RTN1: variants seen among roughly 807,000 people sequenced by gnomAD.
RTN1 encodes reticulon 1.
A neutral mutation model predicts 65.5 loss-of-function variants in RTN1; 25 were observed. That is an observed-to-expected ratio of 0.38 (90% CI 0.28 to 0.53). RTN1 has a LOEUF of 0.53. RTN1 is among the 20% of genes least tolerant of loss of function. RTN1 has a pLI of 0.79. For missense variants in RTN1, 983 were observed against 1,025.4 expected, an observed-to-expected ratio of 0.96 and a Z score of 0.57; for synonymous variants, 471 against 447.6, an observed-to-expected ratio of 1.05 and a Z score of -0.66.
Position 59,656,536 on chromosome 14 carries a change from T to C in RTN1, c.1766-49044A>G, listed in dbSNP as rs887405137. On this transcript the variant is annotated intron_variant, in intron 3 of 8. Transcript: ENST00000267484. ...AGGGGCACATATACATACAGGTTAA[T>C]GGAACAGAATCGACAATCTAGAATT... Among the ~76,000 whole-genome samples, 7 of 152,208 alleles carry C rather than the reference T, an allele frequency of 4.6e-5. No homozygotes were observed. In the East Asian group the frequency reaches 1.3e-3, roughly 29 times the overall value.
At chr14:59,838,907 T>C (rs1212649534) in intron 1 of RTN1, among the ~76,000 whole-genome samples, 1 of 152,174 alleles carries the variant, frequency 6.6e-6, no homozygotes, top group Non-Finnish European at 1.5e-5. Flanking sequence ...ATTTGTCTCT[T>C]CTTGTTTTAA....
At chr14:59,613,089 G>A (rs117490384) in intron 3 of RTN1, among the ~76,000 whole-genome samples, 2,109 of 152,084 alleles carry the variant, frequency 0.014, 19 homozygotes, top group African/African-American at 0.019. Context: ...ACTACCTTGC[G>A]GAAATTCTAA....
chr14:59,696,567 T>C (rs1341667681), intron 3 of RTN1, among the ~76,000 whole-genome samples: 1 of 152,090 alleles, frequency 6.6e-6, no homozygotes, highest in Non-Finnish European at 1.5e-5. Flanking sequence ...TACAGCTGCA[T>C]GAATGGATCC....
At chr14:59,654,358 G>A (rs1259757486) in intron 3 of RTN1, among the ~76,000 whole-genome samples, 2 of 151,744 alleles carry the variant, frequency 1.3e-5, no homozygotes, top group Admixed American at 6.6e-5. Flanking sequence ...AACCCGGGCA[G>A]GGGAGGTTGG....
In RTN1 at chr14:59,868,173, C is replaced by T. The variant is rs1887829757; in HGVS notation, c.241+2217G>A. ...CTAGTTATTTATTTATACAGCATTTCTGGCGTTTGAGTCTCTTATAGCAGC... is the reference window on the plus strand; with the variant it reads ...CTAGTTATTTATTTATACAGCATTTTTGGCGTTTGAGTCTCTTATAGCAGC... On this transcript the variant is annotated intron_variant, in intron 1 of 8. Transcript: ENST00000267484. The surrounding 1 kb of genome is among the most constrained non-coding windows in gnomAD (Gnocchi z 4.0). 6.6e-6 allele frequency among the ~76,000 whole-genome samples: 1 copy of T among 152,116 alleles called. No homozygotes were observed. Among genetic ancestry groups the T allele is most frequent in the Non-Finnish European group, 1.5e-5 (1 of 68,016 alleles).
At chr14:59,634,105 A>G (rs950378404) in intron 3 of RTN1, among the ~76,000 whole-genome samples, 12 of 152,230 alleles carry the variant, frequency 7.9e-5, no homozygotes, top group African/African-American at 2.9e-4. Context: ...AATAAAGCAC[A>G]TAAAAGAGGA....
At chr14:59,703,150 CTT>C (rs1388528238) in intron 3 of RTN1, among the ~76,000 whole-genome samples, 13 of 152,146 alleles carry the variant, frequency 8.5e-5, no homozygotes, top group Non-Finnish European at 1.6e-4. Context: ...ACTCTTTCTA[CTT>C]TTTCTTTTCC....
At chr14:59,712,079 T>C (rs375522870) in intron 3 of RTN1, among the ~76,000 whole-genome samples, 37 of 152,166 alleles carry the variant, frequency 2.4e-4, no homozygotes, top group African/African-American at 7.5e-4. Flanking sequence ...CAAATAGCAA[T>C]AGTTGAAAGC....
chr14:59,671,218 A>AC (rs1883496644), intron 3 of RTN1, among the ~76,000 whole-genome samples: 1 of 152,204 alleles, frequency 6.6e-6, no homozygotes, highest in African/African-American at 2.4e-5. Context: ...TGTTGAGTCA[A>AC]CCTATTCTCT....
intron 1 of RTN1, among the ~76,000 whole-genome samples, chr14:59,823,901 A>T (rs367868069): frequency 6.6e-6 from 1 of 152,208 alleles, no homozygotes; most frequent in Non-Finnish European, 1.5e-5. Flanking sequence ...AGGAAGACCA[A>T]TGAGTTGCAA....
intron 1 of RTN1, among the ~76,000 whole-genome samples, chr14:59,809,231 T>C (rs1441970493): frequency 6.6e-6 from 1 of 152,138 alleles, no homozygotes; most frequent in Non-Finnish European, 1.5e-5. Flanking sequence ...CTGGAACCAA[T>C]GAAGTCTGTT....
chr14:59,705,450 A>G (rs1418968012), intron 3 of RTN1, among the ~76,000 whole-genome samples: 4 of 152,214 alleles, frequency 2.6e-5, no homozygotes, highest in Non-Finnish European at 5.9e-5. Context: ...GCATCTGATA[A>G]TGATACTCAA....
In RTN1 at chr14:59,870,685, G is replaced by A; in HGVS notation, c.-55C>T. On this transcript the variant is annotated 5_prime_UTR_variant, in exon 1 of 9. Coordinates refer to ENST00000267484, the MANE Select transcript of RTN1 (RefSeq NM_021136.3). This position sits in a 1 kb window ranked among gnomAD's most constrained non-coding sequence, Gnocchi z 5.1. ...GGCTTGGCTGGGCAGAGGCTCGGTG[G>A]CTGCGCGGGCGCTCCCTGCTGCTGT... is the stretch of plus-strand genomic sequence containing the variant. The A allele has an allele frequency of 7.6e-7, 1 of 1,310,632 alleles. No homozygotes were observed. The highest frequency in any genetic ancestry group is 9.6e-7 in the Non-Finnish European group (1 of 1,037,820). 81.2% of individuals were successfully genotyped at this position (1,310,632 alleles called of 1,614,324 possible).
At chr14:59,777,480 C>T (rs1886073562) in intron 1 of RTN1, among the ~76,000 whole-genome samples, 1 of 152,094 alleles carries the variant, frequency 6.6e-6, no homozygotes, top group African/African-American at 2.4e-5. Context: ...TGAGTGGTAC[C>T]TACTGCTGGC....
rs2139657715 is a variant in RTN1, at chr14:59,846,197, G to A, written c.241+24193C>T. ...AGAAGAGAACCAGTACCACAGCTGT[G>A]ACTTCTTCCTTACCCCACTGGTGCT... is the stretch of plus-strand genomic sequence containing the variant. On this transcript the variant is annotated intron_variant, in intron 1 of 8. Coordinates refer to ENST00000267484, the MANE Select transcript of RTN1 (RefSeq NM_021136.3). This position sits in a 1 kb window ranked among gnomAD's most constrained non-coding sequence, Gnocchi z 4.8. Among the ~76,000 whole-genome samples the A allele has an allele frequency of 6.6e-6, 1 of 152,260 alleles. No individual in the cohort carries two copies. The highest frequency in any genetic ancestry group is 3.4e-3 in the Middle Eastern group (1 of 294).
At chr14:59,861,024 G>A (rs1235902210) in intron 1 of RTN1, among the ~76,000 whole-genome samples, 1 of 152,156 alleles carries the variant, frequency 6.6e-6, no homozygotes, top group Admixed American at 6.5e-5. Context: ...AAAATTTTGA[G>A]TTAATACTGC....
intron 1 of RTN1, among the ~76,000 whole-genome samples, chr14:59,764,678 A>C (rs1007866188): frequency 1.3e-5 from 2 of 152,198 alleles, no homozygotes; most frequent in African/African-American, 4.8e-5. Context: ...CTAGAAGTAC[A>C]TAAGTTTAAG....
At chr14:59,769,584 T>G (rs1430497642) in intron 1 of RTN1, among the ~76,000 whole-genome samples, 1 of 152,172 alleles carries the variant, frequency 6.6e-6, no homozygotes, top group Non-Finnish European at 1.5e-5. Flanking sequence ...AGTAGAAAAC[T>G]GAAATAGTCT....
chr14:59,828,411 C>A (rs932573842), intron 1 of RTN1, among the ~76,000 whole-genome samples: 1 of 152,198 alleles, frequency 6.6e-6, no homozygotes, highest in African/African-American at 2.4e-5. Flanking sequence ...GTGCTCATTT[C>A]TGGGCTGGAC....
Sources: gnomAD v4.1 joint callset for allele counts (sites outside exome capture counted in the v4.1 genomes callset) on GRCh38, gnomAD v4.1.1 for gene constraint, Gnocchi (gnomAD v3.1) non-coding constraint, MANE v1.5 for transcripts, NCBI Gene and HGNC (gene_info 2026-07-23, HGNC 2026-07-21) for gene names.